The following SLC6A12 variants were observed in gnomAD, a reference collection of about 807,000 sequenced individuals.
SLC6A12 encodes solute carrier family 6 member 12, also known as sodium- and chloride-dependent betaine transporter.
In SLC6A12, 50 loss-of-function variants were observed where a neutral mutation model predicts 73.3. That is an observed-to-expected ratio of 0.68 (90% CI 0.54 to 0.86). The LOEUF (loss-of-function observed/expected upper bound fraction) is 0.86, where lower values mean the gene tolerates loss of function less well. Among genes scored for constraint, SLC6A12 ranks in the 40% least tolerant of loss-of-function variants. SLC6A12 has a pLI of 0.00. For synonymous variants in SLC6A12, 304 were observed against 309.2 expected, an observed-to-expected ratio of 0.98 and a Z score of 0.18; for missense variants, 648 against 772.8, an observed-to-expected ratio of 0.84 and a Z score of 1.92.
downstream of SLC6A12, chr12:190,055 A>G (rs1939527822): frequency 1.4e-5 from 2 of 147,288 alleles, no homozygotes; most frequent in African/African-American, 2.7e-5. Context: ...ACAGAAACGG[A>G]GCAAGGCAAA....
chr12:204,725 A>G (rs758454560), intron 3 of SLC6A12, 27 bp from the exon 4 acceptor site: 1 of 1,612,892 alleles, frequency 6.2e-7, no homozygotes, highest in Non-Finnish European at 8.5e-7. Flanking sequence ...GGCAGGGCTG[A>G]GCCACACCCG....
At chr12:184,388 G>A in the SLC6A12 span, among the ~76,000 whole-genome samples, 1 of 152,092 alleles carries the variant, frequency 6.6e-6, no homozygotes, top group African/African-American at 2.4e-5. Context: ...ACTTTGGGAG[G>A]CCGAGGTGGG....
At chr12:186,218 C>G (rs1222860513), downstream of SLC6A12, among the ~76,000 whole-genome samples, 5 of 152,100 alleles carry the variant, frequency 3.3e-5, no homozygotes, top group African/African-American at 1.2e-4. Context: ...TGGGAAGTGG[C>G]CACGACAGCA....
intron 11 of SLC6A12, among the ~76,000 whole-genome samples, 182 bp from the exon 12 acceptor site, chr12:196,443 A>G (rs529643327): frequency 1.3e-5 from 2 of 152,270 alleles, no homozygotes; most frequent in East Asian, 3.9e-4. Context: ...ACTCCATGAC[A>G]AAGAGTCTCA....
chr12:186,482 C>T (rs1432354547), downstream of SLC6A12, among the ~76,000 whole-genome samples: 1 of 152,220 alleles, frequency 6.6e-6, no homozygotes, highest in Non-Finnish European at 1.5e-5. Flanking sequence ...TTGGGGCCCA[C>T]TTGGCTGGGC....
chr12:192,588 A>T lies in SLC6A12; in HGVS notation c.1591T>A (p.Tyr531Asn). 1 of 1,614,156 alleles carries T rather than the reference A, an allele frequency of 6.2e-7. No homozygotes were observed. The highest frequency in any genetic ancestry group is 8.5e-7 in the Non-Finnish European group (1 of 1,180,014). ...TPLKYNNVYV[Y>N]PPWGYSIGWF... ...CCAATGGAGTATCCCCAGGGCGGGT[A>T]CACATAGACGTTGTTGTACTTGAGG... The change falls in exon 15 of 16, where the codon TAC (tyrosine) becomes AAC (asparagine). Residue 531 changes from tyrosine (Y) to asparagine (N), a missense_variant. Coordinates refer to ENST00000684302, the MANE Select transcript of SLC6A12 (RefSeq NM_001122848.3).
intron 5 of SLC6A12, among the ~76,000 whole-genome samples, chr12:202,496 G>C (rs905364739): frequency 6.6e-6 from 1 of 152,154 alleles, no homozygotes; most frequent in Non-Finnish European, 1.5e-5. Flanking sequence ...AAATGAGTAA[G>C]TGGCAATAAC....
In SLC6A12 at chr12:209,894, G is replaced by A; in HGVS notation, c.93C>T (p.Asp31=). The A allele has an allele frequency of 6.2e-7, 1 of 1,614,134 alleles. No homozygotes were observed. The highest frequency in any genetic ancestry group is 8.5e-7 in the Non-Finnish European group (1 of 1,180,028). ...EGEKLDQEDE[D]QVKDRGQWTN... is the part of the protein sequence containing the mutation. ...TCCATTGGCCCCGATCCTTCACCTGGTCCTCGTCTTCCTGGTCCAACTTCT... is the reference window on the plus strand; with the variant it reads ...TCCATTGGCCCCGATCCTTCACCTGATCCTCGTCTTCCTGGTCCAACTTCT... The change falls in exon 3 of 16, where the codon GAC becomes GAT. Residue 31 remains aspartate, a synonymous_variant. Coordinates refer to ENST00000684302, the MANE Select transcript of SLC6A12 (RefSeq NM_001122848.3).
chr12:197,287 ATCTTCTGGGACTCATGCCT>A, intron 10 of SLC6A12, 71 bp downstream of exon 10: 1 of 1,422,754 alleles, frequency 7.0e-7, no homozygotes, highest in South Asian at 1.4e-5. Flanking sequence ...CATATTGCCC[ATCTTCTGGGACTCATGCCT>A]TTCAGCAAGA....
chr12:185,071 C>T, the SLC6A12 span, among the ~76,000 whole-genome samples: 1 of 152,196 alleles, frequency 6.6e-6, no homozygotes, highest in Non-Finnish European at 1.5e-5. Flanking sequence ...GAATCATGAT[C>T]GGAGACATAA....
downstream of SLC6A12, among the ~76,000 whole-genome samples, chr12:187,108 C>G (rs117741961): frequency 1.8e-3 from 272 of 152,330 alleles, no homozygotes; most frequent in African/African-American, 6.2e-3. Flanking sequence ...TGCCTCAGGG[C>G]TTCTGCTGCA....
intron 7 of SLC6A12, among the ~76,000 whole-genome samples, chr12:200,299 G>T (rs572649509): frequency 6.7e-6 from 1 of 150,146 alleles, no homozygotes; most frequent in Non-Finnish European, 1.5e-5. Flanking sequence ...TAGTAGAGAC[G>T]GGGTTTTACC....
At position 190,866 on chromosome 12, in the gene SLC6A12, G is replaced by C; in HGVS notation, c.*202C>G. The C allele has an allele frequency of 2.5e-6, 1 of 393,774 alleles. No homozygotes were observed. The highest frequency in any genetic ancestry group is 4.4e-6 in the Non-Finnish European group (1 of 226,154). The allele number at this position is 393,774 out of a possible 1,614,324, so 24.4% of individuals were successfully genotyped here. ...CGTCCCAACATGGCACGTCCCAGTG[G>C]TGGTGTTATCAGCAAAGGGGAAGGA... is the stretch of plus-strand genomic sequence containing the variant. On this transcript the variant is annotated 3_prime_UTR_variant, in exon 16 of 16. Coordinates refer to ENST00000684302, the MANE Select transcript of SLC6A12 (RefSeq NM_001122848.3).
At chr12:188,567 TG>T (rs1477767244), downstream of SLC6A12, among the ~76,000 whole-genome samples, 1 of 151,996 alleles carries the variant, frequency 6.6e-6, no homozygotes, top group Non-Finnish European at 1.5e-5. Flanking sequence ...GCAGCCAGAG[TG>T]GGCGCCGAGA....
At chr12:187,542 A>G (rs151162383), downstream of SLC6A12, among the ~76,000 whole-genome samples, 1,246 of 140,644 alleles carry the variant, frequency 8.9e-3, 7 homozygotes, top group Non-Finnish European at 0.016. Context: ...TCATAAAGGC[A>G]GAGTAGACCC....
downstream of SLC6A12, among the ~76,000 whole-genome samples, chr12:186,756 T>TA (rs1296965193): frequency 6.6e-6 from 1 of 152,238 alleles, no homozygotes; most frequent in African/African-American, 2.4e-5. Flanking sequence ...GATGTAGCTC[T>TA]GAAATTAGAG....
chr12:186,573 G>A (rs906782545), downstream of SLC6A12, among the ~76,000 whole-genome samples: 2 of 152,194 alleles, frequency 1.3e-5, no homozygotes, highest in Admixed American at 1.3e-4. Context: ...GGCCAGCTGG[G>A]AGGATACATT....
chr12:187,006 G>C (rs113993205), downstream of SLC6A12, among the ~76,000 whole-genome samples: 1 of 152,162 alleles, frequency 6.6e-6, no homozygotes, highest in East Asian at 1.9e-4. Flanking sequence ...CACTTTCTCC[G>C]CTAGGGCACA....
In SLC6A12 at chr12:192,530, A is replaced by T; in HGVS notation, c.1649T>A (p.Val550Asp). Reference sequence around the variant, plus strand: ...GAGGGTGATGACGACGAAGAGTGGGACACAGACCATGGAGGACAGAGCCAG... The same window carrying T: ...GAGGGTGATGACGACGAAGAGTGGGTCACAGACCATGGAGGACAGAGCCAG... ...WFLALSSMVC[V>D]PLFVVITLLK... Residue 550 changes from valine (V) to aspartate (D), a missense_variant, in exon 15 of 16, where the codon GTC becomes GAC. By Grantham distance (152) the Val-to-Asp change is radical (BLOSUM62 -3). Coordinates refer to ENST00000684302, the MANE Select transcript of SLC6A12 (RefSeq NM_001122848.3). The T allele has an allele frequency of 5.0e-6, 8 of 1,614,092 alleles. No individual in the cohort carries two copies. Among genetic ancestry groups the T allele is most frequent in the Non-Finnish European group, 6.8e-6 (8 of 1,180,004 alleles).
Sources: allele counts gnomAD v4.1 joint callset (sites outside exome capture counted in the v4.1 genomes callset), GRCh38; gene constraint gnomAD v4.1.1; transcripts MANE v1.5; gene names NCBI Gene and HGNC (gene_info 2026-07-23, HGNC 2026-07-21).